The following UBR3 variants were observed in gnomAD, a reference collection of about 807,000 sequenced individuals.
UBR3 encodes the protein E3 ubiquitin-protein ligase UBR3.
UBR3 carries 85 observed loss-of-function variants against 243.2 expected under a neutral mutation model. The observed-to-expected ratio is 0.35, with a 90% CI of 0.29 to 0.42. UBR3 has a LOEUF of 0.42. Ranked by LOEUF, UBR3 falls within the 10% of genes least tolerant of loss-of-function variation. The pLI is 1.00. For missense variants in UBR3, 1,686 were observed against 2,300.8 expected (o/e 0.73, Z 5.47); for synonymous variants, 748 against 799.8 (o/e 0.94, Z 1.09).
rs1399160080 is a variant in UBR3 at position 170,055,513 on chromosome 2, C to T, written c.4714C>T (p.Leu1572Phe). ...VLFTLLYTQA[L>F]AALSVKCSEE... Reference sequence around the variant, plus strand: ...TTTTACCCTACTGTACACACAGGCTCTTGCAGCACTCTCAGTTAAATGCAG... The same window carrying T: ...TTTTACCCTACTGTACACACAGGCTTTTGCAGCACTCTCAGTTAAATGCAG... The change falls in exon 33 of 39, where the codon CTT (leucine) becomes TTT (phenylalanine). Residue 1572 changes from leucine to phenylalanine, a missense_variant. Coordinates refer to ENST00000272793, the MANE Select transcript of UBR3 (RefSeq NM_172070.4). The T allele has an allele frequency of 6.2e-7, 1 of 1,613,670 alleles. No homozygotes were observed. Among genetic ancestry groups the T allele is most frequent in the African/African-American group, 1.3e-5 (1 of 74,872 alleles).
rs534920883 is a variant in UBR3, at chr2:170,047,574, G to A, written c.4660+6589G>A. ...AATGAGAAGGAAGTGAGAGAATTGAGACAGTGAACAGAGAGATCTTTCAAG... is the reference window on the plus strand; with the variant it reads ...AATGAGAAGGAAGTGAGAGAATTGAAACAGTGAACAGAGAGATCTTTCAAG... On this transcript the variant is annotated intron_variant, in intron 32 of 38. Coordinates refer to ENST00000272793, the MANE Select transcript of UBR3 (RefSeq NM_172070.4). 1.1e-4 allele frequency among the ~76,000 whole-genome samples: 16 copies of A among 152,252 alleles called. No individual in the cohort carries two copies. The South Asian group carries it at 3.3e-3, about 32-fold the overall frequency.
chr2:169,929,078 C>G (rs1215434324), intron 18 of UBR3, among the ~76,000 whole-genome samples: 1 of 152,140 alleles, frequency 6.6e-6, no homozygotes, highest in Middle Eastern at 3.2e-3. Context: ...ACTAAGACTT[C>G]TTAGATGACT....
chr2:169,887,261 T>C (rs1043343035), intron 5 of UBR3, among the ~76,000 whole-genome samples: 1 of 152,192 alleles, frequency 6.6e-6, no homozygotes, highest in Non-Finnish European at 1.5e-5. Flanking sequence ...TCAGGGTCTA[T>C]TTAAGGTCTG....
At chr2:169,944,260 C>A (rs887790340) in intron 20 of UBR3, among the ~76,000 whole-genome samples, 1 of 152,044 alleles carries the variant, frequency 6.6e-6, no homozygotes, top group African/African-American at 2.4e-5. Flanking sequence ...TTATTATTCT[C>A]CTTTTTCAGA....
At chr2:170,003,672 C>T (rs542991896) in intron 27 of UBR3, among the ~76,000 whole-genome samples, 1 of 151,960 alleles carries the variant, frequency 6.6e-6, no homozygotes, top group African/African-American at 2.4e-5. Context: ...GATGGAGTCT[C>T]ACTCTGTGCC....
intron 1 of UBR3, among the ~76,000 whole-genome samples, chr2:169,860,107 G>A (rs1007943662): frequency 1.3e-5 from 2 of 152,020 alleles, no homozygotes; most frequent in African/African-American, 4.8e-5. Flanking sequence ...TTCTCTTCTT[G>A]AACAAATGGA....
chr2:170,078,199 A>G lies in UBR3; in HGVS notation c.5200-1615A>G, dbSNP rs16841914. On this transcript the variant is annotated intron_variant, in intron 36 of 38. Coordinates refer to ENST00000272793, the MANE Select transcript of UBR3 (RefSeq NM_172070.4). ...TCTTTGACTTCTTTGAATGTTCATA[A>G]GCCTCTCAACTTTCCTTCTTTCCCT... 2.0e-3 allele frequency: 1,045 copies of G among 527,784 alleles called. 13 individuals are homozygous for G. The highest frequency in any genetic ancestry group is 0.019 in the African/African-American group (947 of 49,420). 32.7% of individuals were successfully genotyped at this position (527,784 alleles called of 1,614,324 possible). A position where few individuals can be genotyped will look rare whatever the true frequency, so the allele number is the denominator to read the frequency against.
chr2:169,870,023 G>T (rs1168937027), intron 1 of UBR3, among the ~76,000 whole-genome samples: 2 of 151,832 alleles, frequency 1.3e-5, no homozygotes, highest in African/African-American at 4.8e-5. Context: ...TTGGTTTTAA[G>T]TCTTAACTTA....
chr2:169,945,086 C>T (rs904796769), intron 20 of UBR3, among the ~76,000 whole-genome samples: 2 of 151,998 alleles, frequency 1.3e-5, no homozygotes, highest in African/African-American at 4.8e-5. Context: ...GATATTAACT[C>T]ATGCAATCCT....
chr2:169,892,924 C>T (rs11695441), intron 6 of UBR3, among the ~76,000 whole-genome samples: 63,543 of 152,038 alleles, frequency 0.42, 15,080 homozygotes, highest in Non-Finnish European at 0.54. Context: ...TTGAACTCTG[C>T]TCTCTTAATT....
intron 32 of UBR3, among the ~76,000 whole-genome samples, chr2:170,043,191 A>G (rs1315384096): frequency 1.3e-5 from 2 of 152,198 alleles, no homozygotes; most frequent in East Asian, 3.8e-4. Flanking sequence ...GAAACTTGAC[A>G]TAGAGAAGAT....
chr2:170,056,115 C>G (rs188921860), intron 33 of UBR3, among the ~76,000 whole-genome samples: 4 of 144,906 alleles, frequency 2.8e-5, no homozygotes, highest in African/African-American at 1.0e-4. Flanking sequence ...TCAAGCAATT[C>G]TCCTGCCTCA....
intron 1 of UBR3, among the ~76,000 whole-genome samples, chr2:169,867,162 T>A (rs766148429): frequency 4.6e-5 from 7 of 152,236 alleles, no homozygotes; most frequent in Admixed American, 6.5e-5. Flanking sequence ...AGAATTAACG[T>A]CCTAAGTAGA....
chr2:169,914,031 A>C lies in UBR3; in HGVS notation c.1780-29A>C, dbSNP rs950317779. 1.6e-5 allele frequency: 18 copies of C among 1,100,658 alleles called. No homozygotes were observed. The African/African-American group carries it at 2.8e-4, about 17-fold the overall frequency. The allele number at this position is 1,100,658 out of a possible 1,614,324, so 68.2% of individuals were successfully genotyped here. On this transcript the variant is annotated intron_variant, in intron 10 of 38. Transcript: ENST00000272793. ...TGAAAATATATGTTTATATATCATA[A>C]ATTTATTATATATAACTTACTATTT...
chr2:169,842,562 C>T (rs995013735), intron 1 of UBR3, among the ~76,000 whole-genome samples: 3 of 152,108 alleles, frequency 2.0e-5, no homozygotes, highest in Admixed American at 6.5e-5. Context: ...TGACACTCAC[C>T]GTGAAGATCT....
At position 170,081,732 on chromosome 2, in the gene UBR3, C is replaced by G. The variant is rs200015636; in HGVS notation, c.5556C>G (p.Gly1852=). Residue 1852 remains glycine (G), a synonymous_variant, in exon 39 of 39, where the codon GGC becomes GGG. Coordinates refer to ENST00000272793, the MANE Select transcript of UBR3 (RefSeq NM_172070.4). ...TTTTTTCTTTTTGTTCTAGGCGAGG[C>G]AAACCTCTCTACATTTGTAAGGAAA... is the stretch of plus-strand genomic sequence containing the variant. ...HGEEDRDLRR[G]KPLYICKERY... is the part of the protein sequence containing the mutation. The G allele has an allele frequency of 9.4e-6, 15 of 1,598,182 alleles. No individual in the cohort carries two copies. In the East Asian group the frequency reaches 2.9e-4, roughly 31 times the overall value.
At chr2:169,881,282 C>T (rs889807303) in intron 5 of UBR3, among the ~76,000 whole-genome samples, 1 of 151,724 alleles carries the variant, frequency 6.6e-6, no homozygotes, top group African/African-American at 2.4e-5. Context: ...CGGGTTCAAG[C>T]GATTCTCCTG....
chr2:169,977,919 ATTG>A (rs2088533889), intron 24 of UBR3, among the ~76,000 whole-genome samples: 1 of 152,106 alleles, frequency 6.6e-6, no homozygotes, highest in Non-Finnish European at 1.5e-5. Context: ...ATCTTGTGGA[ATTG>A]TTGTGTCTTC....
rs746654818 is a variant in UBR3 at position 169,994,337 on chromosome 2, C to G, written c.3799C>G (p.Arg1267Gly). Residue 1267 changes from arginine to glycine, a missense_variant, in exon 26 of 39, where the codon CGT (arginine) becomes GGT (glycine). Transcript: ENST00000272793. Reference protein sequence around the residue: ...LQASSVLGQCRDNVEPKKLPI... With the variant: ...LQASSVLGQCGDNVEPKKLPI... ...TGTTAATGTAGTTTTGGGGCAGTGC[C>G]GTGACAATGTTGAGCCAAAAAAGTT... 6.2e-7 allele frequency: 1 copy of G among 1,613,806 alleles called. No individual in the cohort carries two copies. Among genetic ancestry groups the G allele is most frequent in the African/African-American group, 1.3e-5 (1 of 74,852 alleles).
Sources: allele counts gnomAD v4.1 joint callset (sites outside exome capture counted in the v4.1 genomes callset), GRCh38; gene constraint gnomAD v4.1.1; transcripts MANE v1.5; gene names NCBI Gene and HGNC (gene_info 2026-07-23, HGNC 2026-07-21).